ABCA1: variants seen among roughly 807,000 people sequenced by gnomAD.
ABCA1 encodes phospholipid-transporting ATPase ABCA1.
Under a neutral mutation model 262.5 loss-of-function variants are expected in ABCA1, and 133 were observed. The observed-to-expected ratio is 0.51, with a 90% CI of 0.44 to 0.59. The LOEUF (loss-of-function observed/expected upper bound fraction) is 0.59. Ranked by LOEUF, ABCA1 falls within the 20% of genes least tolerant of loss-of-function variation. ABCA1 has a pLI of 0.00. For missense variants in ABCA1, 2,452 were observed against 2,777.5 expected (o/e 0.88, Z 2.63); for synonymous variants, 1,022 against 1,043.5 (o/e 0.98, Z 0.40).
At chr9:104,905,421 G>T (rs1373688266) in intron 1 of ABCA1, among the ~76,000 whole-genome samples, 12 of 152,174 alleles carry the variant, frequency 7.9e-5, no homozygotes. Flanking sequence ...AGAAAAGACA[G>T]CCTACCACTA....
At chr9:104,787,350 T>C (rs1049654761) in intron 46 of ABCA1, among the ~76,000 whole-genome samples, 1 of 145,996 alleles carries the variant, frequency 6.8e-6, no homozygotes, top group African/African-American at 2.5e-5. Flanking sequence ...GTGAAATTCC[T>C]TTTTTTTTTT....
intron 7 of ABCA1, among the ~76,000 whole-genome samples, chr9:104,850,925 G>A (rs944104449): frequency 3.3e-5 from 5 of 152,058 alleles, no homozygotes; most frequent in African/African-American, 1.2e-4. Context: ...CTTTAGTGAG[G>A]GACTATATTT....
At chr9:104,808,570 T>A (rs1830995737) in intron 30 of ABCA1, among the ~76,000 whole-genome samples, 1 of 152,210 alleles carries the variant, frequency 6.6e-6, no homozygotes. Flanking sequence ...TTAGTAACTA[T>A]CCAATACTAA....
At chr9:104,871,041 G>C (rs565574782) in intron 5 of ABCA1, among the ~76,000 whole-genome samples, 107 of 152,342 alleles carry the variant, frequency 7.0e-4, no homozygotes, top group Non-Finnish European at 1.2e-3. Context: ...CCATCTGGGC[G>C]TATATGTGCA....
At position 104,816,614 on chromosome 9, in the gene ABCA1, A is replaced by AATGGGAGG. The variant is rs1268478992; in HGVS notation, c.3536-277_3536-270dup. Among the ~76,000 whole-genome samples the AATGGGAGG allele has an allele frequency of 6.8e-3, 740 of 108,354 alleles. 6 individuals are homozygous for AATGGGAGG. Among genetic ancestry groups the AATGGGAGG allele is most frequent in the Middle Eastern group, 0.059 (13 of 220 alleles). The allele number at this position is 108,354 out of a possible 152,430, so 71.1% of individuals were successfully genotyped here. ...GGACAGCTGGATGGGTGGATGGGTG[A>AATGGGAGG]ATGGGAGGATGGGAGGATGGAAGGA... On this transcript the variant is annotated intron_variant, in intron 24 of 49. Transcript: ENST00000374736.
chr9:104,895,803 C>G (rs1011432690), intron 2 of ABCA1, among the ~76,000 whole-genome samples: 1 of 152,134 alleles, frequency 6.6e-6, no homozygotes, highest in African/African-American at 2.4e-5. Flanking sequence ...CCTCCCTAGC[C>G]TGAGGACACA....
intron 1 of ABCA1, among the ~76,000 whole-genome samples, chr9:104,913,676 C>G (rs956643254): frequency 6.6e-6 from 1 of 152,196 alleles, no homozygotes; most frequent in African/African-American, 2.4e-5. Flanking sequence ...TACTATAAAA[C>G]CCCCTCTTGG....
At chr9:104,927,220 AG>A (rs113598632) in intron 1 of ABCA1, among the ~76,000 whole-genome samples, 24,666 of 149,184 alleles carry the variant, frequency 0.17, 2,416 homozygotes, top group Admixed American at 0.27. Flanking sequence ...AAGAAAAAAA[AG>A]AAAAAGAAAA....
intron 10 of ABCA1, 28 bp downstream of exon 10, chr9:104,837,396 GGGGA>G (rs1833919060): frequency 6.2e-7 from 1 of 1,613,792 alleles, no homozygotes; most frequent in East Asian, 2.2e-5. Flanking sequence ...GGGAGATTCT[GGGGA>G]GGGAGTCTTG....
intron 25 of ABCA1, among the ~76,000 whole-genome samples, chr9:104,815,668 T>G (rs1052405453): frequency 5.3e-5 from 8 of 152,320 alleles, no homozygotes; most frequent in African/African-American, 1.9e-4. Context: ...CATAAACGTT[T>G]GTCATTTCCT....
chr9:104,846,380 T>C (rs1834883340), intron 7 of ABCA1, among the ~76,000 whole-genome samples: 1 of 152,196 alleles, frequency 6.6e-6, no homozygotes, highest in Non-Finnish European at 1.5e-5. Context: ...CCAGGGAAAA[T>C]CCACCTTTCT....
chr9:104,788,078 A>G lies in ABCA1; in HGVS notation c.6070-24T>C, dbSNP rs2020928. ...ACCTACAGTGATAAAAAGCACCTTGACTTTGGTCTGGCTTGGGAATTTTAT... is the reference window on the plus strand; with the variant it reads ...ACCTACAGTGATAAAAAGCACCTTGGCTTTGGTCTGGCTTGGGAATTTTAT... On this transcript the variant is annotated intron_variant, in intron 45 of 49. Transcript: ENST00000374736. 141 of 1,613,344 alleles carry G rather than the reference A, an allele frequency of 8.7e-5. No homozygotes were observed. The East Asian group carries it at 2.6e-3, about 30-fold the overall frequency.
intron 3 of ABCA1, among the ~76,000 whole-genome samples, chr9:104,887,722 C>CCTT (rs771566125): frequency 6.1e-5 from 6 of 98,850 alleles, no homozygotes; most frequent in Non-Finnish European, 1.2e-4. Flanking sequence ...TCAGTTTATG[C>CCTT]TTTTTTTTTT....
chr9:104,828,452 T>C (rs1478520029), intron 15 of ABCA1, among the ~76,000 whole-genome samples: 1 of 152,222 alleles, frequency 6.6e-6, no homozygotes, highest in Non-Finnish European at 1.5e-5. Context: ...ATCTCTTCCA[T>C]AGGTATTGAG....
At chr9:104,831,578 T>G in intron 13 of ABCA1, 44 bp downstream of exon 13, 2 of 1,541,700 alleles carry the variant, frequency 1.3e-6, no homozygotes, top group East Asian at 2.3e-5. Flanking sequence ...ATAGGTGCTC[T>G]GGACCTCCCC....
intron 3 of ABCA1, among the ~76,000 whole-genome samples, chr9:104,886,403 T>C (rs979207191): frequency 2.6e-4 from 39 of 152,308 alleles, no homozygotes; most frequent in African/African-American, 9.1e-4. Flanking sequence ...ATCTGATCAC[T>C]GTGGCCACCC....
At chr9:104,923,308 T>C (rs10991414) in intron 1 of ABCA1, among the ~76,000 whole-genome samples, 31,718 of 152,224 alleles carry the variant, frequency 0.21, 4,282 homozygotes, top group African/African-American at 0.38. Flanking sequence ...ATAGATCACA[T>C]AGGAAAACAT....
intron 1 of ABCA1, among the ~76,000 whole-genome samples, chr9:104,914,593 T>C (rs569219384): frequency 1.2e-4 from 19 of 152,108 alleles, no homozygotes; most frequent in Non-Finnish European, 2.6e-4. Flanking sequence ...AACTCATCAG[T>C]GATCCCTGAT....
chr9:104,889,088 CCA>C lies in ABCA1; in HGVS notation c.160+12_160+13del. 1.2e-6 allele frequency: 2 copies of C among 1,610,886 alleles called. No individual in the cohort carries two copies. Among genetic ancestry groups the C allele is most frequent in the Non-Finnish European group, 1.7e-6 (2 of 1,177,086 alleles). Reference sequence around the variant, plus strand: ...GCCATTGGTGAGTCTCAGGCAACATCCACAGTTACTTACATTCATGTTGTTCA... The same window carrying C: ...GCCATTGGTGAGTCTCAGGCAACATCCAGTTACTTACATTCATGTTGTTCA... On this transcript the variant is annotated intron_variant, in intron 3 of 49. Coordinates refer to ENST00000374736, the MANE Select transcript of ABCA1 (RefSeq NM_005502.4).
Sources: allele counts gnomAD v4.1 joint callset (sites outside exome capture counted in the v4.1 genomes callset), GRCh38; gene constraint gnomAD v4.1.1; transcripts MANE v1.5; gene names NCBI Gene and HGNC (gene_info 2026-07-23, HGNC 2026-07-21).